The following EDA2R variants were observed in gnomAD, a reference collection of about 807,000 sequenced individuals.
EDA2R encodes tumor necrosis factor receptor superfamily member 27.
In EDA2R, 26 loss-of-function variants were observed where a neutral mutation model predicts 20.1. The ratio of observed to expected loss-of-function variants is 1.30; its 90% CI spans 0.95 to 1.80. The LOEUF (loss-of-function observed/expected upper bound fraction) is 1.80. Among genes scored for constraint, EDA2R ranks in the 40% most tolerant of loss-of-function variants. EDA2R has a pLI of 0.00. For synonymous variants in EDA2R, 114 were observed against 88.7 expected (o/e 1.29, Z -1.60); for missense variants, 277 against 228.7 (o/e 1.21, Z -1.36).
chrX:66,605,133 A>G lies in EDA2R; in HGVS notation c.181T>C (p.Cys61Arg). The change falls in exon 3 of 7, where the codon TGC (cysteine) becomes CGC (arginine). Residue 61 changes from cysteine (C) to arginine (R), a missense_variant. Physicochemically the swap from Cys to Arg is radical, Grantham distance 180. Transcript: ENST00000374719. ...SSWGHHRCQS[C>R]ITCAVINRVQ... ...CGATTGATGACAGCACAGGTGATGC[A>G]ACTCTGACATCTGTGGTGGCCCCAG... is the stretch of plus-strand genomic sequence containing the variant. 1 of 1,209,870 alleles carries G rather than the reference A, an allele frequency of 8.3e-7. No individual in the cohort carries two copies. The highest frequency in any genetic ancestry group is 1.1e-6 in the Non-Finnish European group (1 of 894,604).
At chrX:66,632,699 C>T (rs1278365580) in intron 1 of EDA2R, among the ~76,000 whole-genome samples, 3 of 110,396 alleles carry the variant, frequency 2.7e-5, no homozygotes, top group Non-Finnish European at 3.8e-5. Context: ...GATACTGGGA[C>T]GTGGAGGAGG....
chrX:66,613,186 T>C (rs1035407197), intron 2 of EDA2R, among the ~76,000 whole-genome samples: 1 of 111,865 alleles, frequency 8.9e-6, no homozygotes, highest in East Asian at 2.8e-4. Context: ...AAAGGGAAAA[T>C]ATATTTACAA....
intron 1 of EDA2R, among the ~76,000 whole-genome samples, chrX:66,623,309 G>A (rs1317038929): frequency 8.9e-6 from 1 of 111,765 alleles, no homozygotes; most frequent in Non-Finnish European, 1.9e-5. Flanking sequence ...TCTGTTGAGG[G>A]AGAAACCCAA....
intron 5 of EDA2R, chrX:66,600,177 C>G: frequency 1.4e-6 from 1 of 719,396 alleles, no homozygotes; most frequent in Non-Finnish European, 2.0e-6. Flanking sequence ...GGTCTTATGT[C>G]TATGTACATT....
chrX:66,620,773 G>T (rs373857283), intron 1 of EDA2R, among the ~76,000 whole-genome samples: 4 of 109,549 alleles, frequency 3.7e-5, no homozygotes, highest in South Asian at 7.9e-4. Flanking sequence ...TAAGAGACTT[G>T]TATCTAAATA....
At chrX:66,636,624 C>T (rs775312905) in intron 1 of EDA2R, among the ~76,000 whole-genome samples, 4 of 109,661 alleles carry the variant, frequency 3.6e-5, no homozygotes, top group Non-Finnish European at 7.6e-5. Context: ...AAGGAACCTC[C>T]CTCTAGAAGT....
chrX:66,606,869 G>A (rs1264853642), intron 2 of EDA2R, among the ~76,000 whole-genome samples: 1 of 111,937 alleles, frequency 8.9e-6, no homozygotes, highest in Non-Finnish European at 1.9e-5. Flanking sequence ...TTGAAGGACT[G>A]ATACAAGGTA....
intron 1 of EDA2R, among the ~76,000 whole-genome samples, chrX:66,621,674 T>C (rs1932645708): frequency 8.9e-6 from 1 of 112,479 alleles, no homozygotes; most frequent in African/African-American, 3.2e-5. Context: ...TGTATGATTC[T>C]ATTTACATGA....
chrX:66,635,625 G>T (rs1299850879), intron 1 of EDA2R, among the ~76,000 whole-genome samples: 2 of 112,192 alleles, frequency 1.8e-5, no homozygotes. Context: ...TAGTGCCAGA[G>T]TTGGCGTAAT....
chrX:66,625,687 C>T lies in EDA2R; in HGVS notation c.-10-9657G>A, dbSNP rs1933003587. On this transcript the variant is annotated intron_variant, in intron 1 of 6. Transcript: ENST00000374719. ...AGCTGATGCTCTCTGAAAAGCACCA[C>T]CTCCTGGCAGGAGGCCAACCACCAC... Among the ~76,000 whole-genome samples, 3 of 112,200 alleles carry T rather than the reference C, an allele frequency of 2.7e-5. No homozygotes were observed. The South Asian group carries it at 1.1e-3, about 42-fold the overall frequency.
At chrX:66,626,578 A>C (rs1024693884) in intron 1 of EDA2R, among the ~76,000 whole-genome samples, 2 of 110,917 alleles carry the variant, frequency 1.8e-5, no homozygotes, top group Non-Finnish European at 3.8e-5. Flanking sequence ...GAAATCTAAA[A>C]TTTTGGAAAA....
intron 5 of EDA2R, among the ~76,000 whole-genome samples, chrX:66,602,131 G>A (rs868844482): frequency 1.4e-4 from 16 of 111,244 alleles, no homozygotes; most frequent in African/African-American, 3.9e-4. Context: ...TATTACAGTC[G>A]TATCTCAGAT....
At chrX:66,637,348 T>A (rs1934427248) in intron 1 of EDA2R, among the ~76,000 whole-genome samples, 1 of 111,585 alleles carries the variant, frequency 9.0e-6, no homozygotes, top group African/African-American at 3.3e-5. Flanking sequence ...CCCTAGTTTA[T>A]CCCCCTCTTG....
At chrX:66,623,870 G>T (rs1358155024) in intron 1 of EDA2R, among the ~76,000 whole-genome samples, 1 of 112,117 alleles carries the variant, frequency 8.9e-6, no homozygotes, top group East Asian at 2.8e-4. Context: ...CTTCTTTCCA[G>T]AATTCCTATC....
At chrX:66,624,583 C>A (rs758711005) in intron 1 of EDA2R, among the ~76,000 whole-genome samples, 2 of 111,758 alleles carry the variant, frequency 1.8e-5, no homozygotes, top group Non-Finnish European at 3.8e-5. Context: ...ACAGACAGAT[C>A]TGAGATCTTG....
chrX:66,625,137 A>G (rs1410487181), intron 1 of EDA2R, among the ~76,000 whole-genome samples: 1 of 111,769 alleles, frequency 8.9e-6, no homozygotes, highest in African/African-American at 3.3e-5. Flanking sequence ...TGAACTTTGT[A>G]ACAATTTGAA....
At chrX:66,622,598 C>A (rs980049972) in intron 1 of EDA2R, among the ~76,000 whole-genome samples, 1 of 112,056 alleles carries the variant, frequency 8.9e-6, no homozygotes, top group Non-Finnish European at 1.9e-5. Flanking sequence ...CATTCCTCTA[C>A]TGCGAGCCCA....
At chrX:66,617,108 CAAGTGGTT>C (rs1478309964) in intron 1 of EDA2R, among the ~76,000 whole-genome samples, 5 of 111,814 alleles carry the variant, frequency 4.5e-5, no homozygotes, top group African/African-American at 1.6e-4. Flanking sequence ...GGGTGAATTT[CAAGTGGTT>C]TCTAAAAGTG....
chrX:66,619,071 A>G (rs1932183427), intron 1 of EDA2R, among the ~76,000 whole-genome samples: 1 of 111,879 alleles, frequency 8.9e-6, no homozygotes, highest in Non-Finnish European at 1.9e-5. Flanking sequence ...GGTTTATAGT[A>G]AAAGGAGTGC....
Sources: allele counts gnomAD v4.1 joint callset (sites outside exome capture counted in the v4.1 genomes callset), GRCh38; gene constraint gnomAD v4.1.1; transcripts MANE v1.5; gene names NCBI Gene and HGNC (gene_info 2026-07-23, HGNC 2026-07-21).